The following CYLC2 variants were observed in gnomAD, a reference collection of about 807,000 sequenced individuals.
The protein encoded by CYLC2 is cylicin-2.
CYLC2 carries 30 observed loss-of-function variants against 26.1 expected under a neutral mutation model. The ratio of observed to expected loss-of-function variants is 1.15; its 90% CI spans 0.86 to 1.56. CYLC2 has a LOEUF of 1.56. Ranked by LOEUF, CYLC2 falls within the 40% of genes most tolerant of loss-of-function variation. The pLI, the probability that CYLC2 is intolerant of heterozygous loss-of-function variation, is 0.00. For missense variants in CYLC2, 498 were observed against 394.4 expected (o/e 1.26, Z -2.23); for synonymous variants, 158 against 132.8 (o/e 1.19, Z -1.31).
At chr9:103,004,236 C>T (rs1042806807) in intron 3 of CYLC2, among the ~76,000 whole-genome samples, 1 of 151,988 alleles carries the variant, frequency 6.6e-6, no homozygotes, top group South Asian at 2.1e-4. Context: ...TTATCTTTAA[C>T]CATGAGTAGC....
At chr9:102,999,114 C>T (rs1829264017) in intron 1 of CYLC2, among the ~76,000 whole-genome samples, 1 of 151,656 alleles carries the variant, frequency 6.6e-6, no homozygotes, top group Admixed American at 6.6e-5. Context: ...TTGTTTTCTT[C>T]CTTTTCTTTA....
At chr9:103,009,558 C>G (rs1406543285) in intron 5 of CYLC2, among the ~76,000 whole-genome samples, 2 of 151,978 alleles carry the variant, frequency 1.3e-5, no homozygotes, top group Non-Finnish European at 2.9e-5. Flanking sequence ...AAGATTTATC[C>G]TTTGTGTTAA....
chr9:103,005,924 C>G lies in CYLC2; in HGVS notation c.*246C>G, dbSNP rs1053133841. 2 of 405,012 alleles carry G rather than the reference C, an allele frequency of 4.9e-6. No homozygotes were observed. Among genetic ancestry groups the G allele is most frequent in the Non-Finnish European group, 8.7e-6 (2 of 229,918 alleles). The allele number at this position is 405,012 out of a possible 1,614,324, so 25.1% of individuals were successfully genotyped here. On this transcript the variant is annotated 3_prime_UTR_variant, in exon 5 of 8. Transcript: ENST00000374798. ...CTTGAAGAATACATATACTTATATT[C>G]GGGGATATGAAGGATTCAATGAATG... is the stretch of plus-strand genomic sequence containing the variant.
chr9:103,004,919 T>A (rs1370438201), intron 4 of CYLC2, 50 bp from the exon 5 acceptor site: 1 of 1,574,742 alleles, frequency 6.4e-7, no homozygotes, highest in East Asian at 2.2e-5. Context: ...TAGAATTTTA[T>A]CAAGTTTGGA....
Position 103,005,651 on chromosome 9 carries a change from G to C in CYLC2, c.1020G>C (p.Lys340Asn). Residue 340 changes from lysine (K) to asparagine (N), a missense_variant, in exon 5 of 8, where the codon AAG (lysine) becomes AAC (asparagine). Physicochemically the swap from Lys to Asn is moderately conservative, Grantham distance 94. Transcript: ENST00000374798. The stretch of plus-strand genomic sequence containing the variant: ...AGAAGAATGCAAAGAAGGATGAAAA[G>C]AAGGATGCAAAGAAGAAGGGCAAGT... ...DAKKNAKKDE[K>N]KDAKKKGK The C allele has an allele frequency of 6.2e-7, 1 of 1,611,680 alleles. No homozygotes were observed. Among genetic ancestry groups the C allele is most frequent in the African/African-American group, 1.3e-5 (1 of 74,762 alleles).
chr9:103,003,205 A>G lies in CYLC2; in HGVS notation c.122A>G (p.Gln41Arg), dbSNP rs1443908063. 6.2e-7 allele frequency: 1 copy of G among 1,613,896 alleles called. No individual in the cohort carries two copies. Among genetic ancestry groups the G allele is most frequent in the East Asian group, 2.2e-5 (1 of 44,832 alleles). ...TTTGCCCTGTTATTTCCCAAACCAC[A>G]ACGGCCAGGAACCAAAAGGAGATCA... The part of the protein sequence containing the change: ...QHFALLFPKP[Q>R]RPGTKRRSKP... The change falls in exon 3 of 8, where the codon CAA becomes CGA. Residue 41 changes from glutamine (Q) to arginine (R), a missense_variant. Coordinates refer to ENST00000374798, the MANE Select transcript of CYLC2 (RefSeq NM_001340.5).
chr9:103,013,660 A>G (rs1347845172), intron 6 of CYLC2, among the ~76,000 whole-genome samples: 1 of 111,556 alleles, frequency 9.0e-6, no homozygotes, highest in Non-Finnish European at 1.6e-5. Flanking sequence ...ATATAAATAT[A>G]TTATATTAAA....
At chr9:103,008,074 G>A (rs1335437077) in intron 5 of CYLC2, among the ~76,000 whole-genome samples, 1 of 151,628 alleles carries the variant, frequency 6.6e-6, no homozygotes, top group Non-Finnish European at 1.5e-5. Flanking sequence ...AAAATTATGT[G>A]TTGAGATTGC....
In CYLC2 at chr9:103,004,719, G is replaced by A; in HGVS notation, c.205G>A (p.Gly69Arg). 1 of 1,600,804 alleles carries A rather than the reference G, an allele frequency of 6.2e-7. No individual in the cohort carries two copies. Among genetic ancestry groups the A allele is most frequent in the Non-Finnish European group, 8.5e-7 (1 of 1,175,842 alleles). Residue 69 changes from glycine (G) to arginine (R), a missense_variant, in exon 4 of 8, where the codon GGA becomes AGA. Physicochemically the swap from Gly to Arg is moderately radical, Grantham distance 125. Coordinates refer to ENST00000374798, the MANE Select transcript of CYLC2 (RefSeq NM_001340.5). ...GATAATTGATGAAGAACAATTAAGA[G>A]GAGATCGTAGACAACCATTATGGAT... ...VSIIDEEQLR[G>R]DRRQPLWMYR...
chr9:103,007,373 ATTGT>A, intron 5 of CYLC2, among the ~76,000 whole-genome samples: 1 of 152,262 alleles, frequency 6.6e-6, no homozygotes, highest in South Asian at 2.1e-4. Context: ...GAAACTCAAA[ATTGT>A]TTATTACCAA....
At chr9:103,011,663 C>G (rs186479037) in intron 5 of CYLC2, among the ~76,000 whole-genome samples, 36 of 152,064 alleles carry the variant, frequency 2.4e-4, no homozygotes, top group African/African-American at 8.0e-4. Flanking sequence ...AACCATTGCT[C>G]TGTGGGTTTA....
At chr9:103,012,689 T>C (rs2118259919) in intron 6 of CYLC2, among the ~76,000 whole-genome samples, 1 of 152,148 alleles carries the variant, frequency 6.6e-6, no homozygotes, top group South Asian at 2.1e-4. Flanking sequence ...CAGGCTGAAC[T>C]ATTTGGCAAA....
In CYLC2 at chr9:102,999,594, A is replaced by G. The variant is rs529934151; in HGVS notation, c.18-1984A>G. ...TATTCCTCCAATAAGTTTAATTTTA[A>G]AAACAGGCATTATCTAGATGTATTC... On this transcript the variant is annotated intron_variant, in intron 1 of 7. Coordinates refer to ENST00000374798, the MANE Select transcript of CYLC2 (RefSeq NM_001340.5). Among the ~76,000 whole-genome samples the G allele has an allele frequency of 5.0e-4, 76 of 151,424 alleles. 1 individual carries two copies. Among genetic ancestry groups the G allele is most frequent in the Non-Finnish European group, 4.4e-5 (3 of 67,786 alleles).
At chr9:103,000,943 G>T (rs905991954) in intron 1 of CYLC2, among the ~76,000 whole-genome samples, 2 of 151,714 alleles carry the variant, frequency 1.3e-5, no homozygotes, top group African/African-American at 4.8e-5. Context: ...AAACAAATGG[G>T]AACCTACAAA....
At chr9:103,004,386 A>G (rs1414258345) in intron 3 of CYLC2, among the ~76,000 whole-genome samples, 2 of 152,102 alleles carry the variant, frequency 1.3e-5, no homozygotes, top group Non-Finnish European at 2.9e-5. Flanking sequence ...TCAAGAACAT[A>G]CAGTTTAAAA....
chr9:103,005,634 G>C lies in CYLC2; in HGVS notation c.1003G>C (p.Ala335Pro), dbSNP rs1455066723. Reference sequence around the variant, plus strand: ...TGCAAAGAAGGATGCAAAGAAGAATGCAAAGAAGGATGAAAAGAAGGATGC... The same window carrying C: ...TGCAAAGAAGGATGCAAAGAAGAATCCAAAGAAGGATGAAAAGAAGGATGC... ...KDAKKDAKKN[A>P]KKDEKKDAKK... Residue 335 changes from alanine to proline, a missense_variant, in exon 5 of 8, where the codon GCA becomes CCA. Ala to Pro is a conservative substitution (Grantham distance 27). Transcript: ENST00000374798. The C allele has an allele frequency of 6.2e-7, 1 of 1,612,584 alleles. No individual in the cohort carries two copies. The highest frequency in any genetic ancestry group is 1.3e-5 in the African/African-American group (1 of 74,710).
Position 103,004,677 on chromosome 9 carries a change from A to C in CYLC2, c.181-18A>C, listed in dbSNP as rs1564097462. 9 of 1,565,952 alleles carry C rather than the reference A, an allele frequency of 5.7e-6. No homozygotes were observed. Among genetic ancestry groups the C allele is most frequent in the Non-Finnish European group, 7.8e-6 (9 of 1,154,480 alleles). Reference sequence around the variant, plus strand: ...ATTCACTCACAAGTTGTTCATCATTATTGTAACCATCTTTCAGATAATTGA... The same window carrying C: ...ATTCACTCACAAGTTGTTCATCATTCTTGTAACCATCTTTCAGATAATTGA... On this transcript the variant is annotated intron_variant, in intron 3 of 7. Coordinates refer to ENST00000374798, the MANE Select transcript of CYLC2 (RefSeq NM_001340.5).
At chr9:103,002,715 G>A (rs1014142582) in intron 2 of CYLC2, among the ~76,000 whole-genome samples, 6 of 152,078 alleles carry the variant, frequency 3.9e-5, no homozygotes, top group African/African-American at 7.2e-5. Flanking sequence ...TTAGCACTTA[G>A]ATTAAATCAT....
chr9:102,995,481 A>G, intron 1 of CYLC2, 84 bp downstream of exon 1: 1 of 977,292 alleles, frequency 1.0e-6, no homozygotes, highest in Non-Finnish European at 1.6e-6. Context: ...GATATTTATT[A>G]TATTATTATG....
Sources: allele counts gnomAD v4.1 joint callset (sites outside exome capture counted in the v4.1 genomes callset), GRCh38; gene constraint gnomAD v4.1.1; transcripts MANE v1.5; gene names NCBI Gene and HGNC (gene_info 2026-07-23, HGNC 2026-07-21).